CCDC7: variants seen among roughly 807,000 people sequenced by gnomAD.
The protein encoded by CCDC7 is coiled-coil domain containing 7.
Under a neutral mutation model 196.9 loss-of-function variants are expected in CCDC7, and 183 were observed. That is an observed-to-expected ratio of 0.93 (90% CI 0.82 to 1.05). The LOEUF (loss-of-function observed/expected upper bound fraction) is 1.05. CCDC7 is among the 50% of genes least tolerant of loss of function. The pLI is 0.00. For missense variants in CCDC7, 1,540 were observed against 1,482.2 expected, an observed-to-expected ratio of 1.04 and a Z score of -0.64; for synonymous variants, 525 against 484.6, an observed-to-expected ratio of 1.08 and a Z score of -1.10.
intron 28 of CCDC7, among the ~76,000 whole-genome samples, chr10:32,755,076 T>TTTA (rs2076213079): frequency 1.3e-5 from 2 of 152,118 alleles, no homozygotes; most frequent in African/African-American, 4.8e-5. Flanking sequence ...GGGAGGGGCA[T>TTTA]CCACCATTGC....
At chr10:32,793,124 G>T (rs965890925) in intron 29 of CCDC7, among the ~76,000 whole-genome samples, 24 of 152,238 alleles carry the variant, frequency 1.6e-4, no homozygotes, top group African/African-American at 5.8e-4. Context: ...GGTGAAATTT[G>T]GTGTTAGTCA....
chr10:32,499,606 A>AT (rs1475894811), intron 9 of CCDC7, among the ~76,000 whole-genome samples: 15 of 142,008 alleles, frequency 1.1e-4, no homozygotes, highest in Admixed American at 2.1e-4. Context: ...TTATTTTTTT[A>AT]TTTTTTTTTA....
At chr10:32,680,781 A>G (rs1196052721) in intron 21 of CCDC7, among the ~76,000 whole-genome samples, 8 of 152,092 alleles carry the variant, frequency 5.3e-5, no homozygotes, top group Non-Finnish European at 1.2e-4. Context: ...CTTCTTTCCC[A>G]TCTCCCAATT....
intron 11 of CCDC7, among the ~76,000 whole-genome samples, chr10:32,523,823 A>G (rs1240950226): frequency 6.6e-6 from 1 of 151,666 alleles, no homozygotes; most frequent in Admixed American, 6.6e-5. Flanking sequence ...TTCCACTGGC[A>G]TGGAATATCT....
chr10:32,679,443 C>A (rs1477166850), intron 21 of CCDC7, among the ~76,000 whole-genome samples: 1 of 152,092 alleles, frequency 6.6e-6, no homozygotes, highest in Non-Finnish European at 1.5e-5. Flanking sequence ...GATTGTGGCA[C>A]ATATAAAGGA....
At chr10:32,831,456 CT>C (rs1300078575) in intron 32 of CCDC7, among the ~76,000 whole-genome samples, 1 of 152,118 alleles carries the variant, frequency 6.6e-6, no homozygotes, top group Non-Finnish European at 1.5e-5. Flanking sequence ...CTTACTGTAA[CT>C]TTTTAACTAT....
intron 28 of CCDC7, among the ~76,000 whole-genome samples, chr10:32,747,618 A>G (rs2075004623): frequency 6.6e-6 from 1 of 152,216 alleles, no homozygotes; most frequent in Non-Finnish European, 1.5e-5. Flanking sequence ...AATGCTTAAC[A>G]TCTCTAATCA....
intron 41 of CCDC7, among the ~76,000 whole-genome samples, chr10:32,870,078 G>A (rs1593665657): frequency 6.6e-6 from 1 of 152,166 alleles, no homozygotes; most frequent in East Asian, 1.9e-4. Context: ...GGCAATGCGG[G>A]CTCTTTTTTG....
chr10:32,807,554 C>G (rs913634628), intron 30 of CCDC7, among the ~76,000 whole-genome samples: 10 of 151,994 alleles, frequency 6.6e-5, no homozygotes, highest in African/African-American at 2.4e-4. Context: ...TAACAGGAAA[C>G]ACCTGAGGCA....
At chr10:32,533,575 A>G (rs960692082) in intron 11 of CCDC7, among the ~76,000 whole-genome samples, 11 of 151,686 alleles carry the variant, frequency 7.3e-5, no homozygotes, top group Admixed American at 3.9e-4. Context: ...AGCATTTTTT[A>G]TAAGATGGGT....
intron 11 of CCDC7, among the ~76,000 whole-genome samples, chr10:32,542,947 G>A (rs2051742614): frequency 6.6e-6 from 1 of 152,084 alleles, no homozygotes; most frequent in African/African-American, 2.4e-5. Flanking sequence ...TTTGCAAGAT[G>A]TGCACCTAAC....
chr10:32,770,243 G>A (rs990302560), intron 28 of CCDC7, among the ~76,000 whole-genome samples: 1 of 152,156 alleles, frequency 6.6e-6, no homozygotes, highest in Non-Finnish European at 1.5e-5. Context: ...TTTATTTGAT[G>A]TAGGCATTTA....
chr10:32,608,083 A>T (rs2061713640), intron 18 of CCDC7, among the ~76,000 whole-genome samples: 1 of 151,948 alleles, frequency 6.6e-6, no homozygotes, highest in Admixed American at 6.5e-5. Context: ...CACGTTTTCC[A>T]ATTTGTTAGC....
intron 9 of CCDC7, among the ~76,000 whole-genome samples, chr10:32,504,830 G>A (rs1158347230): frequency 6.6e-6 from 1 of 152,148 alleles, no homozygotes; most frequent in African/African-American, 2.4e-5. Context: ...AACACATAAC[G>A]TATCATGGGA....
In CCDC7 at chr10:32,699,726, AC is replaced by A. The variant is rs1355757652; in HGVS notation, c.2458+4735del. 3.3e-4 allele frequency among the ~76,000 whole-genome samples: 49 copies of A among 149,430 alleles called. 5 individuals carry two copies. Among genetic ancestry groups the A allele is most frequent in the African/African-American group, 1.2e-3 (46 of 38,770 alleles). On this transcript the variant is annotated intron_variant, in intron 24 of 41. Transcript: ENST00000639629. The stretch of plus-strand genomic sequence containing the variant: ...CCTCTCCAGCACCTGTTGTCTCCTG[AC>A]TTTTTAATGATCGTCATTCTAACTG...
At chr10:32,569,631 T>G (rs1311842092) in intron 15 of CCDC7, among the ~76,000 whole-genome samples, 1 of 152,128 alleles carries the variant, frequency 6.6e-6, no homozygotes, top group Non-Finnish European at 1.5e-5. Context: ...TTTCACCATG[T>G]TGGCCAGGCT....
At chr10:32,741,992 T>G (rs1185419641) in intron 28 of CCDC7, among the ~76,000 whole-genome samples, 2 of 152,212 alleles carry the variant, frequency 1.3e-5, no homozygotes, top group East Asian at 3.8e-4. Flanking sequence ...TTAATGTATC[T>G]ACACCAACTT....
chr10:32,671,803 A>G (rs2074108105), intron 21 of CCDC7, among the ~76,000 whole-genome samples: 1 of 152,008 alleles, frequency 6.6e-6, no homozygotes, highest in Non-Finnish European at 1.5e-5. Context: ...CACTCATGAG[A>G]TTGAGAGTTG....
chr10:32,854,440 A>AT lies in CCDC7; in HGVS notation c.4065dup (p.Thr1356TyrfsTer15). ...TTACCTTAAGCCAAAAAACTATTGA[A>AT]TTTACTCTGCCTACTGTGACCAATA... On this transcript the variant is annotated frameshift_variant, in exon 41 of 42. Transcript: ENST00000639629. LOFTEE classifies it low-confidence loss of function (END_TRUNC). The AT allele has an allele frequency of 6.2e-7, 1 of 1,608,936 alleles. No homozygotes were observed. The highest frequency in any genetic ancestry group is 8.5e-7 in the Non-Finnish European group (1 of 1,176,296).
Sources: gnomAD v4.1 joint callset for allele counts (sites outside exome capture counted in the v4.1 genomes callset) on GRCh38, gnomAD v4.1.1 for gene constraint, MANE v1.5 for transcripts, NCBI Gene and HGNC (gene_info 2026-07-23, HGNC 2026-07-21) for gene names.